The following OR9Q1 variants were observed in gnomAD, a reference collection of about 807,000 sequenced individuals.
The protein encoded by OR9Q1 is olfactory receptor 9Q1.
For synonymous variants in OR9Q1, 153 were observed against 148.6 expected (o/e 1.03, Z -0.22); for missense variants, 374 against 378.8 (o/e 0.99, Z 0.11).
At chr11:58,143,201 T>A (rs1455214233) in intron 2 of OR9Q1, among the ~76,000 whole-genome samples, 1 of 152,214 alleles carries the variant, frequency 6.6e-6, no homozygotes, top group Non-Finnish European at 1.5e-5. Flanking sequence ...TAAGTGTGTG[T>A]CAGACCATGT....
At chr11:58,119,460 T>C (rs965153816) in intron 2 of OR9Q1, 1 of 1,463,578 alleles carries the variant, frequency 6.8e-7, no homozygotes, top group Non-Finnish European at 9.5e-7. Flanking sequence ...CAATGTGGAC[T>C]GTTGGTCTGA....
chr11:58,121,685 A>C (rs1854034141), intron 2 of OR9Q1, among the ~76,000 whole-genome samples: 1 of 152,210 alleles, frequency 6.6e-6, no homozygotes, highest in South Asian at 2.1e-4. Flanking sequence ...TGTTTGATGA[A>C]GCCATGAATA....
At chr11:58,044,853 C>T (rs1421167499) in intron 1 of OR9Q1, 1 of 152,114 alleles carries the variant, frequency 6.6e-6, no homozygotes, top group Non-Finnish European at 1.5e-5. Flanking sequence ...GCTTCAGATT[C>T]CTCTTCAATA....
At chr11:58,106,150 A>G (rs930850564) in intron 2 of OR9Q1, among the ~76,000 whole-genome samples, 5 of 133,282 alleles carry the variant, frequency 3.8e-5, no homozygotes, top group African/African-American at 5.3e-5. Context: ...TCTCACCAAC[A>G]TTTGCTATCT....
At chr11:58,141,405 T>C (rs1351106922) in intron 2 of OR9Q1, among the ~76,000 whole-genome samples, 1 of 152,178 alleles carries the variant, frequency 6.6e-6, no homozygotes, top group Non-Finnish European at 1.5e-5. Context: ...CAATACCTAA[T>C]TTATTGAGAG....
intron 2 of OR9Q1, among the ~76,000 whole-genome samples, chr11:58,165,673 C>T (rs1440452826): frequency 1.3e-5 from 2 of 152,192 alleles, no homozygotes; most frequent in Non-Finnish European, 2.9e-5. Flanking sequence ...CACTATCTGA[C>T]ACTCGTTGGA....
intron 2 of OR9Q1, among the ~76,000 whole-genome samples, chr11:58,178,096 G>GT (rs1419088961): frequency 6.6e-6 from 1 of 152,184 alleles, no homozygotes; most frequent in African/African-American, 2.4e-5. Flanking sequence ...AAGTGTGGCT[G>GT]TGGGTATCAG....
chr11:58,134,093 G>A (rs2119849746), intron 2 of OR9Q1, among the ~76,000 whole-genome samples: 5 of 152,312 alleles, frequency 3.3e-5, no homozygotes, highest in Admixed American at 3.3e-4. Context: ...GCTCTAAGGA[G>A]GTTAGGGATG....
chr11:58,108,961 T>C (rs922424140), intron 2 of OR9Q1: 1 of 396,188 alleles, frequency 2.5e-6, no homozygotes, highest in African/African-American at 2.1e-5. Context: ...GGTCTTGGCT[T>C]ACCCACCTGC....
At chr11:58,118,384 A>C (rs184873587) in intron 2 of OR9Q1, 677 of 686,986 alleles carry the variant, frequency 9.9e-4, no homozygotes, top group Non-Finnish European at 1.3e-3. Context: ...GCCTGGTGGT[A>C]CCTATCTTCT....
In OR9Q1 at chr11:58,155,339, G is replaced by A. The variant is rs192585320; in HGVS notation, c.-14-24092G>A. On this transcript the variant is annotated intron_variant, in intron 2 of 2. Coordinates refer to ENST00000335397, the MANE Select transcript of OR9Q1 (RefSeq NM_001005212.4). ...TCATAGCAGAAAAAAATACCTTGAC[G>A]GCAATACTTAGGCTGGTATTTGGTT... is the stretch of plus-strand genomic sequence containing the variant. Among the ~76,000 whole-genome samples, 77 of 151,910 alleles carry A rather than the reference G, an allele frequency of 5.1e-4. No homozygotes were observed. The East Asian group carries it at 0.012, about 24-fold the overall frequency.
chr11:58,037,203 A>ATT (rs201980067), intron 1 of OR9Q1, among the ~76,000 whole-genome samples: 1 of 152,092 alleles, frequency 6.6e-6, no homozygotes, highest in African/African-American at 2.4e-5. Flanking sequence ...TATTGTTAGC[A>ATT]TTTTTTTTAG....
intron 1 of OR9Q1, among the ~76,000 whole-genome samples, chr11:58,039,562 T>C (rs74940263): frequency 0.015 from 2,294 of 152,332 alleles, 57 homozygotes; most frequent in African/African-American, 0.047. Context: ...TTTAGCATCC[T>C]CACACTCTCA....
chr11:58,119,195 T>A, intron 2 of OR9Q1: 1 of 1,614,006 alleles, frequency 6.2e-7, no homozygotes, highest in Non-Finnish European at 8.5e-7. Context: ...GTGGCCAATG[T>A]GGCTAGGATC....
At chr11:58,091,254 CTT>C (rs1255591668) in intron 2 of OR9Q1, among the ~76,000 whole-genome samples, 1 of 152,148 alleles carries the variant, frequency 6.6e-6, no homozygotes, top group Admixed American at 6.6e-5. Flanking sequence ...GATTTTAGAT[CTT>C]TCCAGCTTTC....
intron 2 of OR9Q1, among the ~76,000 whole-genome samples, chr11:58,166,982 A>G (rs1854510890): frequency 1.3e-5 from 2 of 150,506 alleles, no homozygotes; most frequent in Non-Finnish European, 3.0e-5. Context: ...ACATTGTAGC[A>G]TTAAGTATTC....
At chr11:58,112,017 G>T (rs749834710) in intron 2 of OR9Q1, among the ~76,000 whole-genome samples, 1 of 152,166 alleles carries the variant, frequency 6.6e-6, no homozygotes, top group African/African-American at 2.4e-5. Flanking sequence ...GCCAGGTGTG[G>T]TGGCTCATGC....
chr11:58,141,655 G>A (rs533810819), intron 2 of OR9Q1, among the ~76,000 whole-genome samples: 28 of 152,016 alleles, frequency 1.8e-4, no homozygotes, highest in African/African-American at 2.7e-4. Flanking sequence ...ATCAATGTTC[G>A]TCAGGGATGT....
intron 2 of OR9Q1, chr11:58,118,587 G>A (rs1565080971): frequency 1.9e-6 from 3 of 1,614,010 alleles, no homozygotes; most frequent in Non-Finnish European, 2.5e-6. Flanking sequence ...AGATCAGAGG[G>A]TTCAGCATGG....
Sources: gnomAD v4.1 joint callset for allele counts (sites outside exome capture counted in the v4.1 genomes callset) on GRCh38, gnomAD v4.1.1 for gene constraint, MANE v1.5 for transcripts, NCBI Gene and HGNC (gene_info 2026-07-23, HGNC 2026-07-21) for gene names.